Variants in ASXL3 observed in about 807,000 individuals in gnomAD.
ASXL3 encodes putative Polycomb group protein ASXL3.
ASXL3 carries 34 observed loss-of-function variants against 170.6 expected under a neutral mutation model. The ratio of observed to expected loss-of-function variants is 0.20; its 90% CI spans 0.15 to 0.27. ASXL3 has a LOEUF of 0.27. Ranked by LOEUF, ASXL3 falls within the 10% of genes least tolerant of loss-of-function variation. The pLI, the probability that ASXL3 is intolerant of heterozygous loss-of-function variation, is 1.00. For missense variants in ASXL3, 2,592 were observed against 2,695.3 expected (o/e 0.96, Z 0.85); for synonymous variants, 1,002 against 989.1 (o/e 1.01, Z -0.24).
chr18:33,645,059 T>C, intron 3 of ASXL3, 57 bp downstream of exon 3: 1 of 1,259,160 alleles, frequency 7.9e-7, no homozygotes. Context: ...TTTTCAGACA[T>C]GTGAAGGTAA....
At chr18:33,585,911 T>TAAAAC (rs924894611) in intron 1 of ASXL3, among the ~76,000 whole-genome samples, 6 of 152,190 alleles carry the variant, frequency 3.9e-5, no homozygotes, top group African/African-American at 1.4e-4. Context: ...TATGATTTTT[T>TAAAAC]AAAACAATTG....
At chr18:33,619,775 C>T (rs2065481071) in intron 2 of ASXL3, among the ~76,000 whole-genome samples, 1 of 152,026 alleles carries the variant, frequency 6.6e-6, no homozygotes, top group Non-Finnish European at 1.5e-5. Flanking sequence ...GTAGATAATC[C>T]AAAAGGTAAT....
intron 8 of ASXL3, among the ~76,000 whole-genome samples, chr18:33,724,232 A>C (rs903134308): frequency 1.6e-4 from 24 of 152,086 alleles, no homozygotes; most frequent in African/African-American, 5.8e-4. Context: ...TATTTAAAAA[A>C]TTATTATATA....
chr18:33,626,522 T>G (rs1157786289), intron 2 of ASXL3: 1 of 139,160 alleles, frequency 7.2e-6, no homozygotes, highest in Admixed American at 7.2e-5. Context: ...GGGTCAAGGC[T>G]TTTTTTTTTT....
At chr18:33,671,128 A>G (rs2066334100) in intron 6 of ASXL3, among the ~76,000 whole-genome samples, 1 of 152,106 alleles carries the variant, frequency 6.6e-6, no homozygotes, top group Non-Finnish European at 1.5e-5. Context: ...GCTGATGTAT[A>G]ATACCATCAA....
chr18:33,643,905 A>G (rs967567451), intron 2 of ASXL3, among the ~76,000 whole-genome samples: 1 of 151,840 alleles, frequency 6.6e-6, no homozygotes, highest in African/African-American at 2.4e-5. Flanking sequence ...CTTTTAACTA[A>G]AATTGGTTTG....
chr18:33,663,934 C>CGT (rs1555728111), intron 5 of ASXL3, among the ~76,000 whole-genome samples: 11 of 151,532 alleles, frequency 7.3e-5, no homozygotes, highest in Non-Finnish European at 1.3e-4. Flanking sequence ...GTATTAAATA[C>CGT]ATATATATAT....
At chr18:33,676,790 A>G (rs1041464127) in intron 7 of ASXL3, among the ~76,000 whole-genome samples, 13 of 152,206 alleles carry the variant, frequency 8.5e-5, no homozygotes, top group African/African-American at 3.1e-4. Context: ...TCCTTGTCTT[A>G]GCAAAGGATA....
intron 2 of ASXL3, among the ~76,000 whole-genome samples, chr18:33,629,741 T>A (rs2065650682): frequency 6.6e-6 from 1 of 152,074 alleles, no homozygotes; most frequent in African/African-American, 2.4e-5. Context: ...ATAGATACAT[T>A]TCTCCTCATG....
Position 33,652,603 on chromosome 18 carries a change from C to CAAAAAAAAA in ASXL3, c.355+6255_355+6263dup, listed in dbSNP as rs554834298. Among the ~76,000 whole-genome samples, 289 of 112,250 alleles carry CAAAAAAAAA rather than the reference C, an allele frequency of 2.6e-3. 22 individuals are homozygous for CAAAAAAAAA. The highest frequency in any genetic ancestry group is 0.024 in the East Asian group (75 of 3,110). The allele number at this position is 112,250 out of a possible 152,430, so 73.6% of individuals were successfully genotyped here. A position where few individuals can be genotyped will look rare whatever the true frequency, so the allele number is the denominator to read the frequency against. ...AGTATTTTAAAAGTTTCTGTTGGGG[C>CAAAAAAAAA]AAAAAAAAAAAAAGAACATGAATCT... On this transcript the variant is annotated intron_variant, in intron 4 of 11. Coordinates refer to ENST00000269197, the MANE Select transcript of ASXL3 (RefSeq NM_030632.3).
At position 33,746,210 on chromosome 18, in the gene ASXL3, A is replaced by T. The variant is rs372915241; in HGVS notation, c.6362A>T (p.Asp2121Val). Residue 2121 changes from aspartate (D) to valine (V), a missense_variant, in exon 12 of 12, where the codon GAT (aspartate) becomes GTT (valine). Around this residue, in one of 4 missense-constraint regions of ASXL3, gnomAD observed 2,246 missense variants for 2,219.6 expected, o/e 1.01. Coordinates refer to ENST00000269197, the MANE Select transcript of ASXL3 (RefSeq NM_030632.3). ...QLKAFALKSA[D>V]FSSYLLSEPQ... is the part of the protein sequence containing the mutation. ...AAAGCATTCGCGCTAAAAAGTGCAG[A>T]TTTCTCTTCCTATTTGCTTTCTGAG... 5 of 1,613,870 alleles carry T rather than the reference A, an allele frequency of 3.1e-6. No individual in the cohort carries two copies. The highest frequency in any genetic ancestry group is 4.2e-6 in the Non-Finnish European group (5 of 1,179,880).
intron 8 of ASXL3, among the ~76,000 whole-genome samples, chr18:33,725,336 A>G (rs2067331934): frequency 6.6e-6 from 1 of 152,156 alleles, no homozygotes; most frequent in Non-Finnish European, 1.5e-5. Flanking sequence ...CTTGATAGAT[A>G]TTAGCACATC....
chr18:33,630,256 C>T (rs907795198), intron 2 of ASXL3, among the ~76,000 whole-genome samples: 11 of 151,942 alleles, frequency 7.2e-5, no homozygotes, highest in South Asian at 4.1e-4. Flanking sequence ...CTTTGAAATT[C>T]GTCCTTTTGT....
rs572723316 is a variant in ASXL3 at position 33,588,772 on chromosome 18, A to G, written c.54+10087A>G. Among the ~76,000 whole-genome samples the G allele has an allele frequency of 6.0e-4, 91 of 152,244 alleles. 1 individual carries two copies. The Middle Eastern group carries it at 0.041, about 68-fold the overall frequency. Reference sequence around the variant, plus strand: ...GTGAAATATCTCCATTTGCATTTTCATAGCAACAATGAAGTCCACAACATT... The same window carrying G: ...GTGAAATATCTCCATTTGCATTTTCGTAGCAACAATGAAGTCCACAACATT... On this transcript the variant is annotated intron_variant, in intron 1 of 11. Transcript: ENST00000269197.
intron 7 of ASXL3, among the ~76,000 whole-genome samples, chr18:33,679,881 C>T (rs2066486598): frequency 6.6e-6 from 1 of 151,978 alleles, no homozygotes; most frequent in Non-Finnish European, 1.5e-5. Context: ...TTTCATTCCT[C>T]TTCACATTTG....
At chr18:33,585,223 T>C (rs2065025693) in intron 1 of ASXL3, among the ~76,000 whole-genome samples, 1 of 151,954 alleles carries the variant, frequency 6.6e-6, no homozygotes, top group Admixed American at 6.6e-5. Flanking sequence ...TCCTTCCTGA[T>C]AGGGCCAGGA....
intron 5 of ASXL3, among the ~76,000 whole-genome samples, chr18:33,665,303 G>A (rs1213442563): frequency 3.3e-5 from 5 of 152,104 alleles, no homozygotes; most frequent in Admixed American, 3.3e-4. Context: ...TTTTGATATT[G>A]CAAAGCAGAT....
At chr18:33,663,681 A>T (rs2066213571) in intron 5 of ASXL3, among the ~76,000 whole-genome samples, 1 of 152,164 alleles carries the variant, frequency 6.6e-6, no homozygotes. Flanking sequence ...AATATGGCTC[A>T]ATATGTAGCA....
chr18:33,663,771 C>T (rs978499474), intron 5 of ASXL3, among the ~76,000 whole-genome samples: 3 of 151,982 alleles, frequency 2.0e-5, no homozygotes, highest in Non-Finnish European at 4.4e-5. Flanking sequence ...AGAATTTTGC[C>T]CAGATTCCAT....
Sources: gnomAD v4.1 joint callset for allele counts (sites outside exome capture counted in the v4.1 genomes callset) on GRCh38, gnomAD v4.1.1 for gene constraint, gnomAD v4.1.1 regional missense constraint, MANE v1.5 for transcripts, NCBI Gene and HGNC (gene_info 2026-07-23, HGNC 2026-07-21) for gene names.